The following RCL1 variants were observed in gnomAD, a reference collection of about 807,000 sequenced individuals.
The protein encoded by RCL1 is RNA terminal phosphate cyclase like 1.
RCL1 carries 24 observed loss-of-function variants against 42.4 expected under a neutral mutation model. The ratio of observed to expected loss-of-function variants is 0.57; its 90% CI spans 0.41 to 0.80. The LOEUF (loss-of-function observed/expected upper bound fraction) is 0.80. Among genes scored for constraint, RCL1 ranks in the 30% least tolerant of loss-of-function variants. RCL1 has a pLI of 0.00. For missense variants in RCL1, 578 were observed against 467.9 expected, an observed-to-expected ratio of 1.24 and a Z score of -2.17; for synonymous variants, 228 against 177.3, an observed-to-expected ratio of 1.29 and a Z score of -2.27.
intron 1 of RCL1, among the ~76,000 whole-genome samples, chr9:4,794,230 A>G (rs1563823162): frequency 6.6e-6 from 1 of 152,114 alleles, no homozygotes; most frequent in Non-Finnish European, 1.5e-5. Context: ...CATTTTTTGG[A>G]TAGTTAGATC....
chr9:4,811,718 G>A (rs946001566), intron 1 of RCL1, among the ~76,000 whole-genome samples: 17 of 152,152 alleles, frequency 1.1e-4, no homozygotes, highest in African/African-American at 3.6e-4. Flanking sequence ...TATATACCTA[G>A]TAATGGGATT....
At chr9:4,809,116 A>C (rs2130979523) in intron 1 of RCL1, among the ~76,000 whole-genome samples, 1 of 151,258 alleles carries the variant, frequency 6.6e-6, no homozygotes, top group African/African-American at 2.4e-5. Context: ...TTTTTTTTTT[A>C]ATGGCTACAG....
chr9:4,833,132 C>A, intron 3 of RCL1, 22 bp from the exon 4 acceptor site: 2 of 1,579,208 alleles, frequency 1.3e-6, no homozygotes, highest in South Asian at 1.1e-5. Flanking sequence ...TTAAACTTTT[C>A]TTTTCTGAAA....
At chr9:4,806,587 TACACACAC>T (rs71326137) in intron 1 of RCL1, among the ~76,000 whole-genome samples, 2,104 of 135,726 alleles carry the variant, frequency 0.016, 39 homozygotes, top group African/African-American at 0.036. Flanking sequence ...CTACTTGATC[TACACACAC>T]ACACACACAC....
At chr9:4,835,245 T>A (rs6476914) in intron 5 of RCL1, among the ~76,000 whole-genome samples, 12,226 of 152,182 alleles carry the variant, frequency 0.08, 668 homozygotes, top group African/African-American at 0.15. Context: ...TGGAACCCTG[T>A]GAGGCCACCA....
In RCL1 at chr9:4,821,071, T is replaced by C. The variant is rs147394920; in HGVS notation, c.137-2477T>C. Among the ~76,000 whole-genome samples, 1,018 of 152,240 alleles carry C rather than the reference T, an allele frequency of 6.7e-3. 6 individuals are homozygous for C. Among genetic ancestry groups the C allele is most frequent in the Admixed American group, 0.014 (217 of 15,296 alleles). Reference sequence around the variant, plus strand: ...TACCATGATTTTCTAGAGGAAGAGGTTAGCTCCAAGGAATTAAACTGAACA... The same window carrying C: ...TACCATGATTTTCTAGAGGAAGAGGCTAGCTCCAAGGAATTAAACTGAACA... On this transcript the variant is annotated intron_variant, in intron 1 of 8. Transcript: ENST00000381750.
chr9:4,795,122 G>C (rs1344751418), intron 1 of RCL1, among the ~76,000 whole-genome samples: 1 of 151,924 alleles, frequency 6.6e-6, no homozygotes, highest in African/African-American at 2.4e-5. Context: ...CTGTCTCCCA[G>C]GCTGGAGTGC....
chr9:4,839,511 T>G (rs6476915), intron 5 of RCL1: 1 of 199,530 alleles, frequency 5.0e-6, no homozygotes. Flanking sequence ...TGTGCTTTCC[T>G]GGGGACAGTG....
At chr9:4,808,788 T>G (rs1187369655) in intron 1 of RCL1, among the ~76,000 whole-genome samples, 1 of 152,148 alleles carries the variant, frequency 6.6e-6, no homozygotes, top group African/African-American at 2.4e-5. Flanking sequence ...CAATCAAGGG[T>G]AATGTGGATT....
intron 1 of RCL1, among the ~76,000 whole-genome samples, chr9:4,807,441 A>G (rs1006212832): frequency 1.3e-5 from 2 of 152,152 alleles, no homozygotes; most frequent in African/African-American, 2.4e-5. Flanking sequence ...AAATTTTGGT[A>G]TATTTCATTT....
At chr9:4,858,293 C>G (rs1818034117) in intron 8 of RCL1, among the ~76,000 whole-genome samples, 1 of 152,090 alleles carries the variant, frequency 6.6e-6, no homozygotes, top group Admixed American at 6.6e-5. Flanking sequence ...TTCTCCAATC[C>G]TGTAGGTTGT....
intron 1 of RCL1, among the ~76,000 whole-genome samples, chr9:4,798,083 C>G (rs1563825177): frequency 6.6e-6 from 1 of 152,162 alleles, no homozygotes; most frequent in Non-Finnish European, 1.5e-5. Context: ...TTGGTGAAGA[C>G]AAACGTGTAG....
intron 1 of RCL1, among the ~76,000 whole-genome samples, chr9:4,803,394 G>C (rs574167737): frequency 5.9e-5 from 9 of 152,128 alleles, no homozygotes; most frequent in Non-Finnish European, 1.3e-4. Flanking sequence ...GAGAATACAA[G>C]GTGATCTTCA....
intron 6 of RCL1, among the ~76,000 whole-genome samples, chr9:4,844,075 C>A (rs1817426676): frequency 6.6e-6 from 1 of 152,036 alleles, no homozygotes; most frequent in African/African-American, 2.4e-5. Context: ...ATAGTGAGCT[C>A]ATATAGTGCA....
intron 1 of RCL1, among the ~76,000 whole-genome samples, chr9:4,816,371 AG>A (rs1390802948): frequency 6.6e-6 from 1 of 152,188 alleles, no homozygotes; most frequent in Non-Finnish European, 1.5e-5. Flanking sequence ...TTTACCATGA[AG>A]ATACATTCTC....
chr9:4,857,069 T>G (rs2129750309), intron 8 of RCL1, among the ~76,000 whole-genome samples: 1 of 152,362 alleles, frequency 6.6e-6, no homozygotes, highest in South Asian at 2.1e-4. Context: ...TATGTATTGA[T>G]TTCTTTATTT....
chr9:4,859,827 C>A (rs1818099547), intron 8 of RCL1, among the ~76,000 whole-genome samples: 5 of 152,184 alleles, frequency 3.3e-5, no homozygotes, highest in Admixed American at 3.3e-4. Flanking sequence ...CACCATATTT[C>A]TGTCCATTTT....
intron 7 of RCL1, among the ~76,000 whole-genome samples, chr9:4,847,727 T>C (rs1275439365): frequency 1.3e-5 from 2 of 152,222 alleles, no homozygotes; most frequent in Non-Finnish European, 2.9e-5. Context: ...TCTCGACCCA[T>C]TTCGGAAAGG....
intron 1 of RCL1, among the ~76,000 whole-genome samples, chr9:4,811,676 T>C (rs1387966272): frequency 6.6e-6 from 1 of 152,244 alleles, no homozygotes; most frequent in African/African-American, 2.4e-5. Flanking sequence ...AGAGTGCAGA[T>C]ATCTCATTGA....
Sources: gnomAD v4.1 joint callset for allele counts (sites outside exome capture counted in the v4.1 genomes callset) on GRCh38, gnomAD v4.1.1 for gene constraint, MANE v1.5 for transcripts, NCBI Gene and HGNC (gene_info 2026-07-23, HGNC 2026-07-21) for gene names.